ULK4: variants seen among roughly 807,000 people sequenced by gnomAD.
ULK4 encodes the protein inactive serine/threonine-protein kinase ULK4.
A neutral mutation model predicts 160.6 loss-of-function variants in ULK4; 133 were observed. The ratio of observed to expected loss-of-function variants is 0.83; its 90% CI spans 0.72 to 0.96. The LOEUF is 0.96. Ranked by LOEUF, ULK4 falls within the 40% of genes least tolerant of loss-of-function variation. The pLI is 0.00. For synonymous variants in ULK4, 534 were observed against 539.8 expected, an observed-to-expected ratio of 0.99 and a Z score of 0.15; for missense variants, 1,580 against 1,499.5, an observed-to-expected ratio of 1.05 and a Z score of -0.89.
At chr3:41,790,544 AAAG>A (rs2040120534) in intron 20 of ULK4, among the ~76,000 whole-genome samples, 1 of 152,230 alleles carries the variant, frequency 6.6e-6, no homozygotes, top group Non-Finnish European at 1.5e-5. Context: ...AAAGGTACAT[AAAG>A]AAGATGACGC....
At chr3:41,583,070 C>G (rs1209655139) in intron 31 of ULK4, among the ~76,000 whole-genome samples, 1 of 152,162 alleles carries the variant, frequency 6.6e-6, no homozygotes, top group African/African-American at 2.4e-5. Flanking sequence ...TGATATCAAA[C>G]AGCAGAAATG....
chr3:41,355,852 T>C (rs1164835438), intron 35 of ULK4, among the ~76,000 whole-genome samples: 1 of 152,218 alleles, frequency 6.6e-6, no homozygotes, highest in African/African-American at 2.4e-5. Context: ...ACTAGCACTG[T>C]CTCATATTTT....
intron 18 of ULK4, among the ~76,000 whole-genome samples, chr3:41,834,404 C>T (rs931482528): frequency 6.6e-6 from 1 of 152,038 alleles, no homozygotes; most frequent in African/African-American, 2.4e-5. Context: ...ATTTGGAAGA[C>T]TCAAAATCGT....
At chr3:41,617,523 G>C (rs113049052) in intron 30 of ULK4, among the ~76,000 whole-genome samples, 2,184 of 152,364 alleles carry the variant, frequency 0.014, 29 homozygotes, top group Middle Eastern at 0.031. Context: ...ACCTGCAGAA[G>C]AGGGGCCTGA....
intron 32 of ULK4, among the ~76,000 whole-genome samples, chr3:41,466,540 T>C (rs1408708749): frequency 1.3e-5 from 2 of 152,094 alleles, no homozygotes; most frequent in East Asian, 1.9e-4. Flanking sequence ...GATCTAAACA[T>C]ACATGCTAAA....
chr3:41,558,661 G>T (rs1173385143), intron 32 of ULK4, among the ~76,000 whole-genome samples: 1 of 150,406 alleles, frequency 6.6e-6, no homozygotes, highest in Admixed American at 6.7e-5. Flanking sequence ...CCAAGATCAC[G>T]CCATGGCACT....
At chr3:41,896,533 C>T (rs559884036) in intron 15 of ULK4, among the ~76,000 whole-genome samples, 1 of 152,254 alleles carries the variant, frequency 6.6e-6, no homozygotes, top group South Asian at 2.1e-4. Context: ...GGATTACAGG[C>T]ATGAGCCACT....
chr3:41,641,253 A>G (rs1035865068), intron 30 of ULK4, among the ~76,000 whole-genome samples: 5 of 152,200 alleles, frequency 3.3e-5, no homozygotes, highest in Non-Finnish European at 7.3e-5. Flanking sequence ...CTAGATGTCA[A>G]TTATGATATA....
intron 35 of ULK4, among the ~76,000 whole-genome samples, chr3:41,336,956 A>AT (rs2080570883): frequency 6.6e-6 from 1 of 152,296 alleles, no homozygotes; most frequent in South Asian, 2.1e-4. Flanking sequence ...AAGAATACTA[A>AT]TGACACTAAC....
chr3:41,825,246 T>C (rs188145867), intron 18 of ULK4, among the ~76,000 whole-genome samples: 2 of 152,090 alleles, frequency 1.3e-5, no homozygotes, highest in Non-Finnish European at 2.9e-5. Flanking sequence ...ACTCTAAAAA[T>C]CAGAGCACCT....
At chr3:41,483,763 G>T (rs1487584072) in intron 32 of ULK4, among the ~76,000 whole-genome samples, 1 of 152,118 alleles carries the variant, frequency 6.6e-6, no homozygotes, top group East Asian at 1.9e-4. Flanking sequence ...TCTTGAGATG[G>T]GGCATTTTCC....
chr3:41,721,281 TTTTG>T, intron 22 of ULK4, among the ~76,000 whole-genome samples: 3 of 132,422 alleles, frequency 2.3e-5, no homozygotes, highest in African/African-American at 8.5e-5. Context: ...TTTTTTTTTT[TTTTG>T]GGTTTTGAAC....
At chr3:41,758,655 G>A (rs2038883599) in intron 21 of ULK4, among the ~76,000 whole-genome samples, 1 of 152,148 alleles carries the variant, frequency 6.6e-6, no homozygotes, top group Non-Finnish European at 1.5e-5. Context: ...GGAGGCCGAA[G>A]CGGGTGGATC....
At chr3:41,864,135 T>A (rs1716680) in intron 17 of ULK4, among the ~76,000 whole-genome samples, 8,410 of 151,832 alleles carry the variant, frequency 0.055, 763 homozygotes, top group African/African-American at 0.19. Context: ...TTGGGATGAG[T>A]GACTCCCCTT....
At chr3:41,819,542 T>C (rs746640407) in intron 18 of ULK4, 36 bp from the exon 19 acceptor site, 3 of 1,593,490 alleles carry the variant, frequency 1.9e-6, no homozygotes, top group Admixed American at 1.7e-5. Context: ...GCAGTGAAGC[T>C]AACAGCACGA....
intron 33 of ULK4, among the ~76,000 whole-genome samples, chr3:41,457,890 T>C (rs78339792): frequency 0.02 from 2,995 of 152,204 alleles, 103 homozygotes; most frequent in African/African-American, 0.069. Flanking sequence ...ACCCAGGCGA[T>C]AGAGGATGCT....
At chr3:41,437,010 T>C (rs186493025) in intron 34 of ULK4, among the ~76,000 whole-genome samples, 2 of 152,342 alleles carry the variant, frequency 1.3e-5, no homozygotes, top group African/African-American at 4.8e-5. Context: ...GATAAAGTTT[T>C]ATGCTCTGCT....
intron 25 of ULK4, among the ~76,000 whole-genome samples, chr3:41,713,417 G>GT (rs1471896330): frequency 6.6e-6 from 1 of 152,162 alleles, no homozygotes; most frequent in Non-Finnish European, 1.5e-5. Context: ...CCCTTTGCTA[G>GT]TATTTCATCA....
intron 34 of ULK4, among the ~76,000 whole-genome samples, chr3:41,430,805 A>T (rs1211659414): frequency 6.6e-6 from 1 of 152,146 alleles, no homozygotes; most frequent in Non-Finnish European, 1.5e-5. Flanking sequence ...ATGGGTAAAT[A>T]TCCACACTAT....
Sources: gnomAD v4.1 joint callset for allele counts (sites outside exome capture counted in the v4.1 genomes callset) on GRCh38, gnomAD v4.1.1 for gene constraint, MANE v1.5 for transcripts, NCBI Gene and HGNC (gene_info 2026-07-23, HGNC 2026-07-21) for gene names.